The following SYNE3 variants were observed in gnomAD, a reference collection of about 807,000 sequenced individuals.
SYNE3 encodes spectrin repeat containing nuclear envelope family member 3, also known as nesprin-3.
A neutral mutation model predicts 111.2 loss-of-function variants in SYNE3; 100 were observed. The ratio of observed to expected loss-of-function variants is 0.90; its 90% confidence interval spans 0.77 to 1.06. The LOEUF is 1.06. SYNE3 is among the 50% of genes least tolerant of loss of function. SYNE3 has a pLI of 0.00. For synonymous variants in SYNE3, 547 were observed against 533.9 expected (o/e 1.02, Z -0.34); for missense variants, 1,160 against 1,240.3 (o/e 0.94, Z 0.97).
Position 95,450,112 on chromosome 14 carries a change from G to C in SYNE3, c.1275-7C>G. 1 of 1,569,652 alleles carries C rather than the reference G, an allele frequency of 6.4e-7. No individual in the cohort carries two copies. The highest frequency in any genetic ancestry group is 8.6e-7 in the Non-Finnish European group (1 of 1,156,242). On this transcript the variant is annotated splice_polypyrimidine_tract_variant and splice_region_variant and intron_variant, in intron 7 of 17. Transcript: ENST00000682763. Reference sequence around the variant, plus strand: ...CGCGCTCTTCACCTTCAGGCTGCAAGGAGCGTGGAGGGAGAAAATGAGGGA... The same window carrying C: ...CGCGCTCTTCACCTTCAGGCTGCAACGAGCGTGGAGGGAGAAAATGAGGGA...
At chr14:95,487,453 G>T (rs1889606427) in intron 1 of SYNE3, among the ~76,000 whole-genome samples, 1 of 152,094 alleles carries the variant, frequency 6.6e-6, no homozygotes, top group African/African-American at 2.4e-5. Context: ...CGTGTTGCTG[G>T]CACGAACCAC....
intron 1 of SYNE3, among the ~76,000 whole-genome samples, chr14:95,494,834 T>TGGGCGCC (rs1890015462): frequency 6.6e-6 from 1 of 151,756 alleles, no homozygotes; most frequent in Admixed American, 6.6e-5. Context: ...CCATGGGTGC[T>TGGGCGCC]GGGCGCCGTG....
chr14:95,425,968 G>C (rs1193204483), intron 17 of SYNE3, among the ~76,000 whole-genome samples: 1 of 152,214 alleles, frequency 6.6e-6, no homozygotes, highest in Non-Finnish European at 1.5e-5. Flanking sequence ...CAGTGCCCCA[G>C]GGCCAAATGT....
intron 2 of SYNE3, among the ~76,000 whole-genome samples, chr14:95,471,806 C>G (rs1391321067): frequency 2.6e-5 from 4 of 152,138 alleles, no homozygotes; most frequent in African/African-American, 9.7e-5. Flanking sequence ...TCCAATTTGT[C>G]GCAGCCAATG....
At chr14:95,445,644 A>G (rs10134579) in intron 9 of SYNE3, among the ~76,000 whole-genome samples, 53,174 of 152,136 alleles carry the variant, frequency 0.35, 9,615 homozygotes, top group South Asian at 0.47. Context: ...ACTGGACTGG[A>G]TTCAATTTGA....
In SYNE3 at chr14:95,439,664, C is replaced by A. The variant is rs778539204; in HGVS notation, c.2194G>T (p.Glu732Ter). ...AAGGCCCGCCACGACTCTGCCAGCT[C>A]CCTGAGCTCCTCCTGCACCACGGCA... ...GAAVVQEELR[E>*]LAESWRALRL... The change falls in exon 13 of 18, where the codon GAG (glutamate) becomes TAG (stop). Residue 732 changes from glutamate to a stop codon, truncating the protein, a stop_gained. Transcript: ENST00000682763. LOFTEE classifies it high-confidence loss of function. The A allele has an allele frequency of 6.2e-6, 10 of 1,613,856 alleles. No homozygotes were observed. The Admixed American group carries it at 1.5e-4, about 24-fold the overall frequency.
At chr14:95,442,111 T>C (rs1886444938) in intron 11 of SYNE3, among the ~76,000 whole-genome samples, 1 of 152,232 alleles carries the variant, frequency 6.6e-6, no homozygotes, top group Non-Finnish European at 1.5e-5. Flanking sequence ...AGCTGCACCC[T>C]TTGTGTAAGT....
chr14:95,418,224 G>A (rs377616880), intron 17 of SYNE3, among the ~76,000 whole-genome samples, 198 bp from the exon 18 acceptor site: 1 of 152,262 alleles, frequency 6.6e-6, no homozygotes, highest in Admixed American at 6.5e-5. Context: ...TTTTCCCAAA[G>A]CATTCAAGGC....
intron 2 of SYNE3, among the ~76,000 whole-genome samples, chr14:95,469,895 T>G (rs1888420624): frequency 6.6e-6 from 1 of 152,140 alleles, no homozygotes; most frequent in Non-Finnish European, 1.5e-5. Context: ...ACGATGATGA[T>G]GACGATGATG....
Position 95,473,748 on chromosome 14 carries a change from C to A in SYNE3, c.144+1930G>T, listed in dbSNP as rs61983363. On this transcript the variant is annotated intron_variant, in intron 2 of 17. Coordinates refer to ENST00000682763, the MANE Select transcript of SYNE3 (RefSeq NM_152592.6). ...TGGAGCTAAGGCTGTTGTGAGCTTG[C>A]GAGGTGTGACAGTGGCTGGAGCTCA... Among the ~76,000 whole-genome samples, 826 of 92,108 alleles carry A rather than the reference C, an allele frequency of 9.0e-3. 5 individuals carry two copies. Among genetic ancestry groups the A allele is most frequent in the Middle Eastern group, 0.037 (6 of 162 alleles). 60.4% of individuals were successfully genotyped at this position (92,108 alleles called of 152,430 possible). A position where few individuals can be genotyped will look rare whatever the true frequency, so the allele number is the denominator to read the frequency against.
rs574423106 is a variant in SYNE3 at position 95,426,943 on chromosome 14, CAA to C, written c.2727+5134_2727+5135del. Among the ~76,000 whole-genome samples, 62 of 104,858 alleles carry C rather than the reference CAA, an allele frequency of 5.9e-4. 2 individuals carry two copies. The highest frequency in any genetic ancestry group is 2.3e-3 in the African/African-American group (52 of 22,364). The allele number at this position is 104,858 out of a possible 152,430, so 68.8% of individuals were successfully genotyped here. ...TGGGTGACAAAGCAAGACTCCATCT[CAA>C]AAAAAAAAAAAAAAAAAGAATAGTT... is the stretch of plus-strand genomic sequence containing the variant. On this transcript the variant is annotated intron_variant, in intron 17 of 17. Transcript: ENST00000682763.
intron 8 of SYNE3, among the ~76,000 whole-genome samples, chr14:95,448,287 C>T (rs1455584113): frequency 6.6e-6 from 1 of 152,114 alleles, no homozygotes; most frequent in Admixed American, 6.5e-5. Context: ...CTCCAGGATG[C>T]CCTGAGGAGT....
intron 1 of SYNE3, among the ~76,000 whole-genome samples, chr14:95,512,027 A>G (rs1362058506): frequency 6.6e-6 from 1 of 152,244 alleles, no homozygotes; most frequent in Non-Finnish European, 1.5e-5. Flanking sequence ...ATTCAGAAGC[A>G]TAAATCATTA....
intron 4 of SYNE3, among the ~76,000 whole-genome samples, chr14:95,462,325 G>A (rs1016979613): frequency 2.4e-4 from 37 of 152,230 alleles, no homozygotes; most frequent in African/African-American, 8.0e-4. Context: ...CCCTGTGAGT[G>A]AGAACAAAGT....
Position 95,417,645 on chromosome 14 carries a change from A to G in SYNE3, c.*181T>C. The G allele has an allele frequency of 1.5e-6, 1 of 648,898 alleles. No homozygotes were observed. Among genetic ancestry groups the G allele is most frequent in the South Asian group, 1.8e-5 (1 of 55,112 alleles). The allele number at this position is 648,898 out of a possible 1,614,324, so 40.2% of individuals were successfully genotyped here. Reference sequence around the variant, plus strand: ...TGTAGTACACATTTAGTATAAATAGACTAAGACAACACTGTATAAAAAGTA... The same window carrying G: ...TGTAGTACACATTTAGTATAAATAGGCTAAGACAACACTGTATAAAAAGTA... On this transcript the variant is annotated 3_prime_UTR_variant, in exon 18 of 18. Transcript: ENST00000682763.
rs574117317 is a variant in SYNE3, at chr14:95,408,757, C to T, written c.*9069G>A. 2.8e-4 allele frequency: 58 copies of T among 206,642 alleles called. No homozygotes were observed. Among genetic ancestry groups the T allele is most frequent in the African/African-American group, 1.3e-3 (58 of 43,822 alleles). 12.8% of individuals were successfully genotyped at this position (206,642 alleles called of 1,614,324 possible). On this transcript the variant is annotated 3_prime_UTR_variant, in exon 18 of 18. Coordinates refer to ENST00000682763, the MANE Select transcript of SYNE3 (RefSeq NM_152592.6). ...AGCTTCCTCTGTCCGCTTCCTCCTC[C>T]CCAGTAAAACTTCTGGAACATGCAC...
chr14:95,434,297 T>C (rs1263928913), intron 15 of SYNE3, among the ~76,000 whole-genome samples: 2 of 152,216 alleles, frequency 1.3e-5, no homozygotes, highest in African/African-American at 4.8e-5. Context: ...CAGTGCTGTG[T>C]TCAGATCTGC....
chr14:95,487,917 TTCCTCC>T (rs57519352), intron 1 of SYNE3, among the ~76,000 whole-genome samples: 10 of 149,772 alleles, frequency 6.7e-5, no homozygotes, highest in Admixed American at 1.3e-4. Flanking sequence ...ACCCCTCCTC[TTCCTCC>T]TCCTCCTCCT....
At chr14:95,440,761 C>G (rs536053860) in intron 11 of SYNE3, among the ~76,000 whole-genome samples, 2 of 152,160 alleles carry the variant, frequency 1.3e-5, no homozygotes, top group Admixed American at 1.3e-4. Context: ...GAAGTCAGAG[C>G]CCCCCTTGAG....
Sources: gnomAD v4.1 joint callset for allele counts (sites outside exome capture counted in the v4.1 genomes callset) on GRCh38, gnomAD v4.1.1 for gene constraint, MANE v1.5 for transcripts, NCBI Gene and HGNC (gene_info 2026-07-23, HGNC 2026-07-21) for gene names.